The following RYR3 variants were observed in gnomAD, a reference collection of about 807,000 sequenced individuals.
RYR3 encodes ryanodine receptor 3.
Under a neutral mutation model 584.3 loss-of-function variants are expected in RYR3, and 207 were observed. The observed-to-expected ratio is 0.35, with a 90% CI of 0.32 to 0.40. The LOEUF (loss-of-function observed/expected upper bound fraction) is 0.40, where lower values mean the gene tolerates loss of function less well. RYR3 is among the 10% of genes least tolerant of loss of function. The probability of loss-of-function intolerance (pLI) is 1.00; values close to 1 mark genes in which losing one functional copy is unlikely to be tolerated. For synonymous variants in RYR3, 2,416 were observed against 2,248.5 expected (o/e 1.07, Z -2.11); for missense variants, 5,616 against 6,089.2 (o/e 0.92, Z 2.59).
intron 69 of RYR3, among the ~76,000 whole-genome samples, chr15:33,803,606 C>A (rs1237911870): frequency 6.6e-6 from 1 of 152,144 alleles, no homozygotes; most frequent in Non-Finnish European, 1.5e-5. Context: ...AGCTCTGCCT[C>A]CCAGATTCAA....
chr15:33,530,594 A>G lies in RYR3; in HGVS notation c.282A>G (p.Ala94=), dbSNP rs764425213. Residue 94 remains alanine (A), a splice_region_variant and synonymous_variant, in exon 4 of 104, where the codon GCA becomes GCG. Transcript: ENST00000634891. ...CTTATTCTTCCTCATTCCCACAGGCAGCACAAGGAGGTGGCCACAGGACCC... is the reference window on the plus strand; with the variant it reads ...CTTATTCTTCCTCATTCCCACAGGCGGCACAAGGAGGTGGCCACAGGACCC... ...ANTGENGGEG[A]AQGGGHRTLL... is the part of the protein sequence containing the mutation. 13 of 1,611,972 alleles carry G rather than the reference A, an allele frequency of 8.1e-6. No individual in the cohort carries two copies. The highest frequency in any genetic ancestry group is 3.3e-5 in the Admixed American group (2 of 59,998).
intron 1 of RYR3, among the ~76,000 whole-genome samples, chr15:33,433,674 A>G (rs2045409594): frequency 6.6e-6 from 1 of 152,234 alleles, no homozygotes; most frequent in South Asian, 2.1e-4. Context: ...TACTTTTAGT[A>G]TTAGAAAACT....
chr15:33,434,891 C>T (rs2045519715), intron 1 of RYR3, among the ~76,000 whole-genome samples: 2 of 152,142 alleles, frequency 1.3e-5, no homozygotes, highest in South Asian at 2.1e-4. Flanking sequence ...GATCTTGGCT[C>T]ACTGCAAGCT....
chr15:33,751,710 G>C (rs557815212), intron 57 of RYR3, among the ~76,000 whole-genome samples: 2 of 151,826 alleles, frequency 1.3e-5, no homozygotes, highest in South Asian at 4.2e-4. Context: ...AGTTTCTTTT[G>C]CTATGCAGAA....
chr15:33,835,114 G>A, intron 87 of RYR3, 42 bp downstream of exon 87: 6 of 1,443,434 alleles, frequency 4.2e-6, no homozygotes, highest in Non-Finnish European at 2.9e-6. Context: ...GTTGTGAAAT[G>A]CTAAGTCAGT....
chr15:33,358,179 T>C (rs760857270), intron 1 of RYR3, among the ~76,000 whole-genome samples: 1 of 152,136 alleles, frequency 6.6e-6, no homozygotes, highest in Admixed American at 6.5e-5. Context: ...CTTTCCTCCT[T>C]GGTAAAGTGA....
At chr15:33,812,393 A>G (rs1005500277) in intron 72 of RYR3, among the ~76,000 whole-genome samples, 6 of 152,234 alleles carry the variant, frequency 3.9e-5, no homozygotes, top group African/African-American at 1.4e-4. Context: ...AAATAAAATT[A>G]AAACATTTAA....
chr15:33,825,711 C>A, intron 82 of RYR3, 35 bp downstream of exon 82: 5 of 1,001,754 alleles, frequency 5.0e-6, no homozygotes, highest in Non-Finnish European at 7.6e-6. Context: ...CCATTCTCTT[C>A]CTGATTAAAA....
chr15:33,544,894 C>T (rs559225076), intron 8 of RYR3, among the ~76,000 whole-genome samples: 18 of 152,188 alleles, frequency 1.2e-4, no homozygotes, highest in South Asian at 2.1e-4. Context: ...GAAGTTAGGT[C>T]GACCTTATTT....
intron 1 of RYR3, among the ~76,000 whole-genome samples, chr15:33,414,757 A>G (rs765478153): frequency 6.6e-6 from 1 of 151,934 alleles, no homozygotes; most frequent in Non-Finnish European, 1.5e-5. Flanking sequence ...GGCACCCGCT[A>G]ATTTTTTTGT....
chr15:33,803,712 G>T (rs1007206204), intron 69 of RYR3, among the ~76,000 whole-genome samples: 2 of 152,000 alleles, frequency 1.3e-5, no homozygotes, highest in East Asian at 3.9e-4. Flanking sequence ...ATGGAGTTTC[G>T]CCATGTTGGC....
At chr15:33,827,964 G>A (rs2077466851) in intron 85 of RYR3, among the ~76,000 whole-genome samples, 1 of 152,320 alleles carries the variant, frequency 6.6e-6, no homozygotes, top group East Asian at 1.9e-4. Flanking sequence ...CACAGATGCT[G>A]TGTGTTTTAC....
chr15:33,375,299 T>A (rs902396659), intron 1 of RYR3, among the ~76,000 whole-genome samples: 8 of 152,204 alleles, frequency 5.3e-5, no homozygotes, highest in African/African-American at 1.7e-4. Context: ...TTATTGCTGT[T>A]GTTATTGTTA....
intron 19 of RYR3, among the ~76,000 whole-genome samples, chr15:33,619,003 A>G (rs1289529589): frequency 4.6e-5 from 7 of 152,194 alleles, no homozygotes; most frequent in Non-Finnish European, 1.0e-4. Flanking sequence ...GTGTTTTCAA[A>G]ATCAGTCAAG....
chr15:33,466,547 A>G (rs907631937), intron 1 of RYR3, among the ~76,000 whole-genome samples: 4 of 152,224 alleles, frequency 2.6e-5, no homozygotes, highest in African/African-American at 9.6e-5. Flanking sequence ...GTAACAACAA[A>G]ACTTCAAACA....
intron 68 of RYR3, 32 bp downstream of exon 68, chr15:33,800,889 T>A: frequency 6.8e-7 from 1 of 1,467,052 alleles, no homozygotes; most frequent in Non-Finnish European, 9.6e-7. Context: ...GGGTTTAGAA[T>A]GGTTGTGAAA....
intron 60 of RYR3, among the ~76,000 whole-genome samples, chr15:33,758,784 C>T (rs905526925): frequency 6.6e-6 from 1 of 152,226 alleles, no homozygotes; most frequent in Non-Finnish European, 1.5e-5. Context: ...GCACAGCACT[C>T]AAGCTCTGCT....
chr15:33,831,544 T>A (rs2077676312), intron 86 of RYR3, among the ~76,000 whole-genome samples: 1 of 152,226 alleles, frequency 6.6e-6, no homozygotes, highest in Non-Finnish European at 1.5e-5. Flanking sequence ...TCCTACTGAT[T>A]TGTCAGAAAT....
At chr15:33,434,588 C>T (rs1278881088) in intron 1 of RYR3, among the ~76,000 whole-genome samples, 4 of 152,074 alleles carry the variant, frequency 2.6e-5, no homozygotes, top group African/African-American at 9.7e-5. Flanking sequence ...GTAAAAATAT[C>T]TAGTACCCAT....
Sources: gnomAD v4.1 joint callset for allele counts (sites outside exome capture counted in the v4.1 genomes callset) on GRCh38, gnomAD v4.1.1 for gene constraint, MANE v1.5 for transcripts, NCBI Gene and HGNC (gene_info 2026-07-23, HGNC 2026-07-21) for gene names.